LOC128462377: variants seen among roughly 807,000 people sequenced by gnomAD.
chr16:89,334,549 TGG>T, the LOC128462377 span, among the ~76,000 whole-genome samples: 1 of 152,012 alleles, frequency 6.6e-6, no homozygotes, highest in African/African-American at 2.4e-5. Flanking sequence ...ATGTGGGCAG[TGG>T]GCATGCGGCA....
At chr16:89,384,373 A>C in the LOC128462377 span, among the ~76,000 whole-genome samples, 1 of 152,192 alleles carries the variant, frequency 6.6e-6, no homozygotes, top group Admixed American at 6.5e-5. Flanking sequence ...TCTATGAAAA[A>C]TACAAAAATT....
At chr16:89,317,092 GAC>G in the LOC128462377 span, 2 of 1,492,580 alleles carry the variant, frequency 1.3e-6, no homozygotes, top group South Asian at 1.2e-5. Flanking sequence ...CAAAAGAGAA[GAC>G]ACACAATTCA....
chr16:89,416,176 C>A, the LOC128462377 span, among the ~76,000 whole-genome samples: 1 of 152,162 alleles, frequency 6.6e-6, no homozygotes, highest in South Asian at 2.1e-4. Flanking sequence ...ACCTAAGTAT[C>A]AGTACATCTA....
the LOC128462377 span, among the ~76,000 whole-genome samples, chr16:89,416,716 G>C: frequency 6.6e-6 from 1 of 151,016 alleles, no homozygotes; most frequent in Admixed American, 6.6e-5. Flanking sequence ...GATTGCTTGA[G>C]AGCAGGGGTT....
the LOC128462377 span, among the ~76,000 whole-genome samples, chr16:89,328,251 C>A: frequency 4.1e-4 from 63 of 152,278 alleles, no homozygotes; most frequent in African/African-American, 1.5e-3. Context: ...GCTGTGGGAA[C>A]GCAAAGTGGT....
At chr16:89,341,421 A>AC in the LOC128462377 span, among the ~76,000 whole-genome samples, 1 of 152,128 alleles carries the variant, frequency 6.6e-6, no homozygotes, top group African/African-American at 2.4e-5. Context: ...ACGTGAACAG[A>AC]CCCCACCAAG....
the LOC128462377 span, among the ~76,000 whole-genome samples, chr16:89,380,829 A>T: frequency 6.6e-6 from 1 of 152,198 alleles, no homozygotes; most frequent in Non-Finnish European, 1.5e-5. Flanking sequence ...GGGAGGAAGG[A>T]GTGTGTGCAG....
At chr16:89,392,689 C>G in the LOC128462377 span, 1 of 149,534 alleles carries the variant, frequency 6.7e-6, no homozygotes, top group Non-Finnish European at 1.5e-5. Flanking sequence ...CCTACAAGAG[C>G]AGACCCAATC....
chr16:89,382,296 A>G, the LOC128462377 span, among the ~76,000 whole-genome samples: 1 of 151,610 alleles, frequency 6.6e-6, no homozygotes, highest in East Asian at 1.9e-4. Context: ...CTTAAACTAG[A>G]CAGCCAGGCA....
chr16:89,389,827 CAAACA>C, the LOC128462377 span, among the ~76,000 whole-genome samples: 6 of 133,862 alleles, frequency 4.5e-5, no homozygotes, highest in African/African-American at 1.7e-4. Context: ...ATCACTAGGG[CAAACA>C]CCGAGTGTGG....
the LOC128462377 span, among the ~76,000 whole-genome samples, chr16:89,350,531 A>G: frequency 6.6e-6 from 1 of 152,220 alleles, no homozygotes; most frequent in Non-Finnish European, 1.5e-5. Flanking sequence ...AGGAAGATGA[A>G]ACACACCAGA....
the LOC128462377 span, among the ~76,000 whole-genome samples, chr16:89,327,571 A>G: frequency 6.6e-6 from 1 of 152,238 alleles, no homozygotes; most frequent in African/African-American, 2.4e-5. Flanking sequence ...TATTTCTGCA[A>G]TAATCCTATG....
the LOC128462377 span, among the ~76,000 whole-genome samples, chr16:89,349,387 G>A: frequency 1.3e-5 from 2 of 151,900 alleles, no homozygotes; most frequent in Admixed American, 6.6e-5. Flanking sequence ...GGCTGAGGCA[G>A]GAGAATGGCG....
At chr16:89,349,910 A>ATT in the LOC128462377 span, among the ~76,000 whole-genome samples, 1 of 81,536 alleles carries the variant, frequency 1.2e-5, no homozygotes. Flanking sequence ...ACACACACAC[A>ATT]CATATTCAAA....
chr16:89,371,586 C>T, the LOC128462377 span, among the ~76,000 whole-genome samples: 4 of 152,166 alleles, frequency 2.6e-5, no homozygotes, highest in Non-Finnish European at 4.4e-5. Flanking sequence ...AGGCAGGCGC[C>T]GCTCCCCACA....
the LOC128462377 span, among the ~76,000 whole-genome samples, chr16:89,407,769 G>T: frequency 6.7e-6 from 1 of 149,960 alleles, no homozygotes; most frequent in East Asian, 2.0e-4. Context: ...AGGATCGCTT[G>T]AGCCCAGGAG....
At chr16:89,384,998 G>A in the LOC128462377 span, among the ~76,000 whole-genome samples, 1 of 138,058 alleles carries the variant, frequency 7.2e-6, no homozygotes, top group Non-Finnish European at 1.5e-5. Context: ...TGATTCTCCT[G>A]ACTCAGCCTC....
chr16:89,384,420 A>T, the LOC128462377 span, among the ~76,000 whole-genome samples: 1 of 152,124 alleles, frequency 6.6e-6, no homozygotes, highest in Non-Finnish European at 1.5e-5. Context: ...AATCCCAGCT[A>T]TGTGGGGGGC....
At chr16:89,398,484 T>A in the LOC128462377 span, among the ~76,000 whole-genome samples, 1 of 152,028 alleles carries the variant, frequency 6.6e-6, no homozygotes, top group African/African-American at 2.4e-5. Flanking sequence ...TCTGGAAGGC[T>A]GACATGAGGA....
Sources: gnomAD v4.1 joint callset for allele counts (sites outside exome capture counted in the v4.1 genomes callset) on GRCh38, gnomAD v4.1.1 for gene constraint, MANE v1.5 for transcripts.